Variants in CNBD1 observed in about 807,000 individuals in gnomAD.
CNBD1 encodes cyclic nucleotide-binding domain-containing protein 1.
Under a neutral mutation model 54.4 loss-of-function variants are expected in CNBD1, and 71 were observed. That is an observed-to-expected ratio of 1.30 (90% CI 1.08 to 1.59). The LOEUF (loss-of-function observed/expected upper bound fraction) is 1.59, where lower values mean the gene tolerates loss of function less well. Ranked by LOEUF, CNBD1 falls within the 40% of genes most tolerant of loss-of-function variation. CNBD1 has a pLI of 0.00. For missense variants in CNBD1, 659 were observed against 518.0 expected (o/e 1.27, Z -2.64); for synonymous variants, 182 against 170.7 (o/e 1.07, Z -0.51).
At chr8:87,334,702 CTTTTCTTTTCTT>C (rs908508389) in intron 8 of CNBD1, among the ~76,000 whole-genome samples, 6 of 143,908 alleles carry the variant, frequency 4.2e-5, no homozygotes, top group Admixed American at 6.9e-5. Context: ...TTTCTTTTTT[CTTTTCTTTTCTT>C]TTTTCTTTTC....
chr8:87,084,759 C>T (rs1811064753), intron 4 of CNBD1, among the ~76,000 whole-genome samples: 2 of 152,022 alleles, frequency 1.3e-5, no homozygotes, highest in African/African-American at 4.8e-5. Context: ...TCACTGCAAC[C>T]TCTGCCTCCC....
intron 4 of CNBD1, among the ~76,000 whole-genome samples, chr8:87,054,324 T>G (rs570201244): frequency 6.6e-6 from 1 of 152,162 alleles, no homozygotes; most frequent in Non-Finnish European, 1.5e-5. Flanking sequence ...ATCCATCTCA[T>G]AGAGAGACTG....
chr8:87,354,113 C>T (rs774740883), intron 10 of CNBD1, among the ~76,000 whole-genome samples: 7 of 152,096 alleles, frequency 4.6e-5, no homozygotes, highest in Non-Finnish European at 8.8e-5. Flanking sequence ...GTTGGAGAAC[C>T]CAGGGCAACC....
At chr8:87,231,001 T>G (rs1384152419) in intron 5 of CNBD1, among the ~76,000 whole-genome samples, 1 of 152,148 alleles carries the variant, frequency 6.6e-6, no homozygotes, top group Admixed American at 6.5e-5. Context: ...CTCAGGAAAC[T>G]TACATTCATG....
intron 2 of CNBD1, among the ~76,000 whole-genome samples, chr8:87,425,606 A>C (rs377368169): frequency 6.6e-6 from 1 of 151,786 alleles, no homozygotes; most frequent in African/African-American, 2.4e-5. Context: ...CCCCTGCTGG[A>C]GGGTGCCTCC....
At chr8:87,206,246 T>C (rs1282582777) in intron 5 of CNBD1, 108 bp downstream of exon 5, 1 of 854,344 alleles carries the variant, frequency 1.2e-6, no homozygotes, top group Non-Finnish European at 1.7e-6. Flanking sequence ...TCAGTTGACA[T>C]GGTAAAAATG....
chr8:87,372,231 G>T (rs2337037), intron 10 of CNBD1, among the ~76,000 whole-genome samples: 1 of 151,746 alleles, frequency 6.6e-6, no homozygotes, highest in Admixed American at 6.6e-5. Context: ...GTGAACTCCC[G>T]TTCATAATTG....
chr8:87,090,765 A>G (rs1170205891), intron 4 of CNBD1, among the ~76,000 whole-genome samples: 1 of 152,200 alleles, frequency 6.6e-6, no homozygotes, highest in East Asian at 1.9e-4. Flanking sequence ...TTAAATGGAA[A>G]CATTGTAATA....
chr8:87,147,698 T>C (rs919241937), intron 4 of CNBD1, among the ~76,000 whole-genome samples: 1 of 152,136 alleles, frequency 6.6e-6, no homozygotes, highest in African/African-American at 2.4e-5. Context: ...TGACATGATT[T>C]AGCCTATTTT....
intron 4 of CNBD1, among the ~76,000 whole-genome samples, chr8:87,165,735 TC>T (rs1208704069): frequency 2.6e-5 from 4 of 151,998 alleles, no homozygotes; most frequent in Non-Finnish European, 5.9e-5. Context: ...CATAACTCCT[TC>T]TTTACCCTAG....
intron 5 of CNBD1, among the ~76,000 whole-genome samples, chr8:87,224,059 C>A (rs1814414840): frequency 6.6e-6 from 1 of 151,292 alleles, no homozygotes; most frequent in Admixed American, 6.6e-5. Flanking sequence ...AGTGTCTGTT[C>A]ATGTCCTTCA....
chr8:86,961,243 G>T (rs1586164499), intron 4 of CNBD1, among the ~76,000 whole-genome samples: 2 of 152,072 alleles, frequency 1.3e-5, no homozygotes, highest in Admixed American at 1.3e-4. Context: ...TACTTTGTTT[G>T]CCCCAATAGA....
At chr8:86,999,777 C>T (rs978984180) in intron 4 of CNBD1, among the ~76,000 whole-genome samples, 8 of 151,998 alleles carry the variant, frequency 5.3e-5, no homozygotes, top group Non-Finnish European at 1.2e-4. Context: ...TATTTCTTTC[C>T]TTTTTCTGCA....
At chr8:86,936,362 C>T (rs2130417567) in intron 3 of CNBD1, among the ~76,000 whole-genome samples, 1 of 152,190 alleles carries the variant, frequency 6.6e-6, no homozygotes, top group East Asian at 1.9e-4. Context: ...TATTATCACA[C>T]ATACAAGTAA....
At chr8:86,906,577 T>C (rs1809021426) in intron 3 of CNBD1, among the ~76,000 whole-genome samples, 1 of 152,214 alleles carries the variant, frequency 6.6e-6, no homozygotes, top group Non-Finnish European at 1.5e-5. Context: ...TACTTTGTAC[T>C]TTTTGATTCC....
At chr8:87,089,124 G>C (rs138906561) in intron 4 of CNBD1, among the ~76,000 whole-genome samples, 2 of 152,202 alleles carry the variant, frequency 1.3e-5, no homozygotes, top group Non-Finnish European at 2.9e-5. Context: ...GCATTTCAGG[G>C]AAAGGCAGAA....
At chr8:86,971,307 GA>G (rs1168715702) in intron 4 of CNBD1, among the ~76,000 whole-genome samples, 2 of 152,086 alleles carry the variant, frequency 1.3e-5, no homozygotes, top group Non-Finnish European at 2.9e-5. Context: ...GATCTTGTGA[GA>G]ACTCACTCAC....
intron 5 of CNBD1, among the ~76,000 whole-genome samples, chr8:87,224,855 T>C (rs1814441277): frequency 6.6e-6 from 1 of 151,822 alleles, no homozygotes; most frequent in South Asian, 2.1e-4. Flanking sequence ...TTTCATGATA[T>C]TGATTCTTCC....
chr8:87,269,672 T>C (rs533042076), intron 6 of CNBD1, among the ~76,000 whole-genome samples: 3 of 152,086 alleles, frequency 2.0e-5, no homozygotes, highest in African/African-American at 4.8e-5. Flanking sequence ...TTTTACTCCT[T>C]TGTGGCTATT....
Sources: gnomAD v4.1 joint callset for allele counts (sites outside exome capture counted in the v4.1 genomes callset) on GRCh38, gnomAD v4.1.1 for gene constraint, MANE v1.5 for transcripts, NCBI Gene and HGNC (gene_info 2026-07-23, HGNC 2026-07-21) for gene names.